The following BTBD7 variants were observed in gnomAD, a reference collection of about 807,000 sequenced individuals.
BTBD7 encodes BTB/POZ domain-containing protein 7.
A neutral mutation model predicts 99.9 loss-of-function variants in BTBD7; 38 were observed. The ratio of observed to expected loss-of-function variants is 0.38; its 90% CI spans 0.29 to 0.50. The LOEUF is 0.50. Among genes scored for constraint, BTBD7 ranks in the 20% least tolerant of loss-of-function variants. The pLI, the probability that BTBD7 is intolerant of heterozygous loss-of-function variation, is 0.93. For missense variants in BTBD7, 1,170 were observed against 1,394.6 expected (o/e 0.84, Z 2.57); for synonymous variants, 520 against 511.4 (o/e 1.02, Z -0.23).
chr14:93,308,287 CAAAA>C (rs869127588), intron 1 of BTBD7, among the ~76,000 whole-genome samples: 4 of 74,928 alleles, frequency 5.3e-5, no homozygotes, highest in Admixed American at 3.1e-4. Context: ...ACTCGGTCTC[CAAAA>C]AAAAAAAAAA....
rs529334323 is a variant in BTBD7 at position 93,311,070 on chromosome 14, T to C, written c.-106-14913A>G. ...TGAGTAATTTTTTACTTTTATTTAC[T>C]AATTTTCAAAACAATTAGTAATAGC... is the stretch of plus-strand genomic sequence containing the variant. On this transcript the variant is annotated intron_variant, in intron 1 of 10. Transcript: ENST00000334746. Among the ~76,000 whole-genome samples, 367 of 152,356 alleles carry C rather than the reference T, an allele frequency of 2.4e-3. 1 individual carries two copies. The highest frequency in any genetic ancestry group is 8.5e-3 in the African/African-American group (353 of 41,586).
chr14:93,272,451 A>C (rs2052610996), intron 3 of BTBD7, among the ~76,000 whole-genome samples: 1 of 152,102 alleles, frequency 6.6e-6, no homozygotes, highest in African/African-American at 2.4e-5. Flanking sequence ...CTCAATATCT[A>C]ACCAATGTGT....
intron 1 of BTBD7, among the ~76,000 whole-genome samples, chr14:93,331,749 C>T (rs1301339732): frequency 6.6e-6 from 1 of 152,108 alleles, no homozygotes; most frequent in Admixed American, 6.5e-5. Context: ...GGCGTGGCAG[C>T]GGGCGCCTGT....
At chr14:93,325,890 C>T (rs2053325097) in intron 1 of BTBD7, among the ~76,000 whole-genome samples, 1 of 152,100 alleles carries the variant, frequency 6.6e-6, no homozygotes, top group Admixed American at 6.5e-5. Flanking sequence ...TAACATAATG[C>T]TCACATGTCA....
At position 93,242,341 on chromosome 14, in the gene BTBD7, C is replaced by A. The variant is rs780658199; in HGVS notation, c.3331G>T (p.Asp1111Tyr). The change falls in exon 11 of 11, where the codon GAT becomes TAT. Residue 1111 changes from aspartate to tyrosine, a missense_variant. By Grantham distance (160) the Asp-to-Tyr change is radical (BLOSUM62 -3). Around this residue, in one of 4 missense-constraint regions of BTBD7, gnomAD observed 495 missense variants for 525.9 expected, o/e 0.94. Coordinates refer to ENST00000334746, the MANE Select transcript of BTBD7 (RefSeq NM_001002860.4). Reference sequence around the variant, plus strand: ...GACCTCCTTCCTCTGCTTATTGAATCTTCCCTTTCCAAATCTGTATTTCTC... The same window carrying A: ...GACCTCCTTCCTCTGCTTATTGAATATTCCCTTTCCAAATCTGTATTTCTC... ...AQRNTDLERE[D>Y]SISRGRRSPS... 6.2e-7 allele frequency: 1 copy of A among 1,614,198 alleles called. No individual in the cohort carries two copies. The highest frequency in any genetic ancestry group is 8.5e-7 in the Non-Finnish European group (1 of 1,180,042).
At position 93,263,777 on chromosome 14, in the gene BTBD7, A is replaced by G. The variant is rs770893507; in HGVS notation, c.1371+8T>C. The stretch of plus-strand genomic sequence containing the variant: ...ATGACAGAGTTTGAGAGGTGTTTAA[A>G]TGATTACCTGTAGGTAGTCAGACTG... On this transcript the variant is annotated splice_region_variant and intron_variant, in intron 4 of 10. Transcript: ENST00000334746. The G allele has an allele frequency of 9.2e-5, 148 of 1,608,676 alleles. No homozygotes were observed. Among genetic ancestry groups the G allele is most frequent in the Non-Finnish European group, 1.0e-4 (118 of 1,175,104 alleles).
At chr14:93,279,295 C>T (rs2052691178) in intron 3 of BTBD7, among the ~76,000 whole-genome samples, 1 of 152,106 alleles carries the variant, frequency 6.6e-6, no homozygotes, top group Non-Finnish European at 1.5e-5. Flanking sequence ...GCATCTCCAG[C>T]CAAAAAGGCC....
chr14:93,248,707 G>A (rs1403907667), intron 8 of BTBD7, 53 bp from the exon 9 acceptor site: 20 of 1,467,680 alleles, frequency 1.4e-5, no homozygotes, highest in African/African-American at 2.8e-5. Context: ...CACAAAAGAC[G>A]ACCCCGTGAG....
At chr14:93,300,168 A>C (rs1484654490) in intron 1 of BTBD7, among the ~76,000 whole-genome samples, 1 of 152,146 alleles carries the variant, frequency 6.6e-6, no homozygotes. Flanking sequence ...TAACATAAGA[A>C]CGTCGAAACA....
chr14:93,251,556 T>C lies in BTBD7; in HGVS notation c.1849A>G (p.Asn617Asp). ...ATGTGACAACACTGTGGCACGGCATTATTGACCATGTAGAGCGTGTCTGGC... is the reference window on the plus strand; with the variant it reads ...ATGTGACAACACTGTGGCACGGCATCATTGACCATGTAGAGCGTGTCTGGC... ...NVPDTLYMVN[N>D]AVPQCCHMIS... Residue 617 changes from asparagine (N) to aspartate (D), a missense_variant, in exon 8 of 11, where the codon AAT becomes GAT. Around this residue, in one of 4 missense-constraint regions of BTBD7, gnomAD observed 309 missense variants for 342.0 expected, o/e 0.90. Transcript: ENST00000334746. 6.2e-7 allele frequency: 1 copy of C among 1,614,068 alleles called. No homozygotes were observed. The highest frequency in any genetic ancestry group is 1.3e-5 in the African/African-American group (1 of 75,056).
intron 9 of BTBD7, among the ~76,000 whole-genome samples, chr14:93,246,517 G>C (rs573979440): frequency 6.6e-6 from 1 of 152,242 alleles, no homozygotes; most frequent in Non-Finnish European, 1.5e-5. Flanking sequence ...CTGCTTGATC[G>C]AATGCTCCTC....
chr14:93,307,559 GAAAAGCATT>G (rs1463364312), intron 1 of BTBD7, among the ~76,000 whole-genome samples: 2 of 152,184 alleles, frequency 1.3e-5, no homozygotes, highest in African/African-American at 2.4e-5. Flanking sequence ...TTGTCTACTT[GAAAAGCATT>G]TCTTACTCCT....
intron 1 of BTBD7, among the ~76,000 whole-genome samples, chr14:93,319,566 T>C (rs184146658): frequency 1.5e-3 from 222 of 152,274 alleles, no homozygotes; most frequent in Non-Finnish European, 2.8e-3. Context: ...TATCTAGGCC[T>C]GGTCATTACC....
intron 10 of BTBD7, among the ~76,000 whole-genome samples, 187 bp from the exon 11 acceptor site, chr14:93,243,275 C>A (rs138505680): frequency 0.026 from 3,920 of 151,938 alleles, 166 homozygotes; most frequent in African/African-American, 0.084. Context: ...CTTACTGTAA[C>A]CTCTGCCTCC....
At chr14:93,258,284 A>G (rs980249982) in intron 5 of BTBD7, among the ~76,000 whole-genome samples, 4 of 152,072 alleles carry the variant, frequency 2.6e-5, no homozygotes, top group Admixed American at 6.6e-5. Flanking sequence ...GGATTCATTC[A>G]GAATAAAATT....
intron 1 of BTBD7, among the ~76,000 whole-genome samples, chr14:93,324,421 CA>C (rs768532376): frequency 2.9e-3 from 258 of 89,712 alleles, no homozygotes; most frequent in African/African-American, 4.9e-3. Context: ...GACCCTGTCT[CA>C]AAAAAAAAAA....
intron 1 of BTBD7, among the ~76,000 whole-genome samples, chr14:93,330,326 C>A (rs912248391): frequency 6.6e-6 from 1 of 152,178 alleles, no homozygotes; most frequent in African/African-American, 2.4e-5. Context: ...TCATCCTAGT[C>A]TCCTTCTATT....
Position 93,294,469 on chromosome 14 carries a change from T to C in BTBD7, c.551A>G (p.Asp184Gly). The change falls in exon 3 of 11, where the codon GAC becomes GGC. Residue 184 changes from aspartate to glycine, a missense_variant. Coordinates refer to ENST00000334746, the MANE Select transcript of BTBD7 (RefSeq NM_001002860.4). ...CATATCAATACCAGCTGTATTGATG[T>C]CCATTATTATCTCTGCCCCATACTC... ...SPEYGAEIIM[D>G]INTAGIDMPM... 1 of 1,614,030 alleles carries C rather than the reference T, an allele frequency of 6.2e-7. No homozygotes were observed. Among genetic ancestry groups the C allele is most frequent in the East Asian group, 2.2e-5 (1 of 44,892 alleles).
At chr14:93,328,571 C>T (rs2053359746) in intron 1 of BTBD7, among the ~76,000 whole-genome samples, 1 of 123,984 alleles carries the variant, frequency 8.1e-6, no homozygotes, top group Non-Finnish European at 1.7e-5. Flanking sequence ...GATATCCACA[C>T]ATAAAGACCT....
Sources: gnomAD v4.1 joint callset for allele counts (sites outside exome capture counted in the v4.1 genomes callset) on GRCh38, gnomAD v4.1.1 for gene constraint, gnomAD v4.1.1 regional missense constraint, MANE v1.5 for transcripts, NCBI Gene and HGNC (gene_info 2026-07-23, HGNC 2026-07-21) for gene names.